GRIK2: variants seen among roughly 807,000 people sequenced by gnomAD.
GRIK2 encodes the protein glutamate ionotropic receptor kainate type subunit 2, also known as glutamate receptor ionotropic, kainate 2.
A neutral mutation model predicts 100.3 loss-of-function variants in GRIK2; 32 were observed. The observed-to-expected ratio is 0.32, with a 90% confidence interval of 0.24 to 0.43. The LOEUF is 0.43. Ranked by LOEUF, GRIK2 falls within the 20% of genes least tolerant of loss-of-function variation. GRIK2 has a pLI of 1.00. For synonymous variants in GRIK2, 417 were observed against 389.4 expected (o/e 1.07, Z -0.83); for missense variants, 843 against 1,114.9 (o/e 0.76, Z 3.47).
At chr6:101,602,689 C>T (rs967122902) in intron 2 of GRIK2, among the ~76,000 whole-genome samples, 17 of 151,444 alleles carry the variant, frequency 1.1e-4, no homozygotes, top group Non-Finnish European at 2.2e-4. Flanking sequence ...GGATTGGAGT[C>T]AAGCAACTCA....
At chr6:102,018,375 C>G (rs948219539) in intron 14 of GRIK2, among the ~76,000 whole-genome samples, 1 of 152,034 alleles carries the variant, frequency 6.6e-6, no homozygotes, top group African/African-American at 2.4e-5. Flanking sequence ...ATGTTAGGCT[C>G]TGATATAACA....
chr6:101,765,663 T>C (rs1778004027), intron 7 of GRIK2, among the ~76,000 whole-genome samples: 1 of 152,136 alleles, frequency 6.6e-6, no homozygotes, highest in Non-Finnish European at 1.5e-5. Context: ...GTCAAGATAT[T>C]TTTTTCCTTC....
intron 2 of GRIK2, among the ~76,000 whole-genome samples, chr6:101,555,489 AACTC>A (rs1413241845): frequency 1.3e-5 from 2 of 152,222 alleles, no homozygotes; most frequent in Admixed American, 6.5e-5. Flanking sequence ...ATTTCAGACT[AACTC>A]CTATATCCAG....
chr6:101,809,427 T>G (rs564936386), intron 9 of GRIK2, among the ~76,000 whole-genome samples: 8 of 152,152 alleles, frequency 5.3e-5, no homozygotes, highest in Non-Finnish European at 7.4e-5. Flanking sequence ...AAACTTCATA[T>G]GAAAAAGGTG....
intron 2 of GRIK2, among the ~76,000 whole-genome samples, chr6:101,407,567 A>T (rs1204204085): frequency 6.6e-6 from 1 of 151,934 alleles, no homozygotes; most frequent in Admixed American, 6.6e-5. Flanking sequence ...CTTTCCTAGT[A>T]CATTATCTCA....
chr6:101,456,880 A>C (rs1771038794), intron 2 of GRIK2, among the ~76,000 whole-genome samples: 1 of 152,164 alleles, frequency 6.6e-6, no homozygotes, highest in Non-Finnish European at 1.5e-5. Flanking sequence ...AGATAGAGTC[A>C]TATCAAGACA....
intron 2 of GRIK2, among the ~76,000 whole-genome samples, chr6:101,436,785 A>G (rs921231876): frequency 6.6e-6 from 1 of 150,778 alleles, no homozygotes; most frequent in Non-Finnish European, 1.5e-5. Flanking sequence ...TTTAAAGTTT[A>G]TTATTATTAT....
At chr6:101,754,683 G>A (rs2128386411) in intron 7 of GRIK2, among the ~76,000 whole-genome samples, 1 of 152,318 alleles carries the variant, frequency 6.6e-6, no homozygotes, top group Non-Finnish European at 1.5e-5. Flanking sequence ...TTAGCACATA[G>A]CTGAGGCTCC....
intron 7 of GRIK2, among the ~76,000 whole-genome samples, chr6:101,729,650 G>A (rs750776122): frequency 2.3e-4 from 35 of 151,628 alleles, no homozygotes; most frequent in African/African-American, 7.0e-4. Context: ...TATCCTGAAC[G>A]CTTTAGTTTA....
intron 2 of GRIK2, among the ~76,000 whole-genome samples, chr6:101,552,086 A>G (rs1313318906): frequency 1.3e-5 from 2 of 152,146 alleles, no homozygotes; most frequent in Non-Finnish European, 2.9e-5. Context: ...AGTTTTTTTC[A>G]GTATCATGAC....
chr6:101,974,842 C>G (rs1242994709), intron 14 of GRIK2, among the ~76,000 whole-genome samples: 2 of 151,702 alleles, frequency 1.3e-5, no homozygotes, highest in Non-Finnish European at 2.9e-5. Flanking sequence ...TATAAGGGGG[C>G]ATATATAAAA....
At chr6:101,805,046 C>T (rs1437848067) in intron 9 of GRIK2, among the ~76,000 whole-genome samples, 4 of 151,930 alleles carry the variant, frequency 2.6e-5, no homozygotes, top group Non-Finnish European at 5.9e-5. Flanking sequence ...CTCTAAAACA[C>T]AGCGTCTTAC....
intron 2 of GRIK2, among the ~76,000 whole-genome samples, chr6:101,477,330 C>A (rs1173279835): frequency 1.3e-5 from 2 of 152,142 alleles, no homozygotes; most frequent in Non-Finnish European, 2.9e-5. Context: ...AGCAAGACAT[C>A]ATCAGAACGG....
At chr6:102,043,150 T>C (rs1224387229) in intron 15 of GRIK2, among the ~76,000 whole-genome samples, 1 of 151,808 alleles carries the variant, frequency 6.6e-6, no homozygotes, top group Non-Finnish European at 1.5e-5. Flanking sequence ...GTTTATATTA[T>C]TTAAAAAAAT....
chr6:101,419,871 G>A (rs554310921), intron 2 of GRIK2, among the ~76,000 whole-genome samples: 1 of 152,278 alleles, frequency 6.6e-6, no homozygotes, highest in East Asian at 1.9e-4. Flanking sequence ...GGTGTTGCAT[G>A]CTGTAACAAA....
chr6:101,784,558 G>C (rs906417028), intron 7 of GRIK2, among the ~76,000 whole-genome samples: 6 of 152,154 alleles, frequency 3.9e-5, no homozygotes, highest in Non-Finnish European at 8.8e-5. Context: ...GACCAGGATT[G>C]GAATGTTATG....
intron 2 of GRIK2, among the ~76,000 whole-genome samples, chr6:101,501,139 A>G (rs2128273519): frequency 6.6e-6 from 1 of 152,142 alleles, no homozygotes; most frequent in African/African-American, 2.4e-5. Flanking sequence ...CTACAACAAA[A>G]TAAGTATCTG....
chr6:101,787,610 A>C (rs1779519097), intron 7 of GRIK2, among the ~76,000 whole-genome samples: 1 of 152,122 alleles, frequency 6.6e-6, no homozygotes, highest in Non-Finnish European at 1.5e-5. Flanking sequence ...GTAGAGTTTC[A>C]AAAATTCTTC....
chr6:101,512,323 A>G (rs1351185284), intron 2 of GRIK2, among the ~76,000 whole-genome samples: 1 of 151,990 alleles, frequency 6.6e-6, no homozygotes, highest in Non-Finnish European at 1.5e-5. Context: ...TTGAGTATGA[A>G]CCATTATTTT....
Sources: gnomAD v4.1 joint callset for allele counts (sites outside exome capture counted in the v4.1 genomes callset) on GRCh38, gnomAD v4.1.1 for gene constraint, MANE v1.5 for transcripts, NCBI Gene and HGNC (gene_info 2026-07-23, HGNC 2026-07-21) for gene names.